Variants in PRR5 observed in about 807,000 individuals in gnomAD.
PRR5 encodes the protein proline-rich protein 5.
A neutral mutation model predicts 30.6 loss-of-function variants in PRR5; 25 were observed. The ratio of observed to expected loss-of-function variants is 0.82; its 90% CI spans 0.60 to 1.14. PRR5 has a LOEUF of 1.14. Ranked by LOEUF, PRR5 falls within the 50% of genes most tolerant of loss-of-function variation. The pLI is 0.00. For missense variants in PRR5, 600 were observed against 547.1 expected, an observed-to-expected ratio of 1.10 and a Z score of -0.96; for synonymous variants, 286 against 247.1, an observed-to-expected ratio of 1.16 and a Z score of -1.48.
chr22:44,678,377 C>T (rs979849431), intron 1 of PRR5, among the ~76,000 whole-genome samples: 2 of 143,180 alleles, frequency 1.4e-5, no homozygotes, highest in South Asian at 2.2e-4. Context: ...GGCTGGAGTG[C>T]GATGGCGCAA....
chr22:44,718,982 A>G (rs1929524001), intron 2 of PRR5, among the ~76,000 whole-genome samples: 1 of 152,162 alleles, frequency 6.6e-6, no homozygotes, highest in Non-Finnish European at 1.5e-5. Flanking sequence ...TGAAGCACAA[A>G]AAGTTTTTAT....
At chr22:44,723,444 G>A (rs1930235919) in intron 2 of PRR5, among the ~76,000 whole-genome samples, 1 of 152,200 alleles carries the variant, frequency 6.6e-6, no homozygotes, top group South Asian at 2.1e-4. Flanking sequence ...TTGGGGCCAG[G>A]TGCAGTGGCT....
chr22:44,682,043 C>T (rs1052450349), intron 1 of PRR5, among the ~76,000 whole-genome samples: 2 of 152,206 alleles, frequency 1.3e-5, no homozygotes, highest in Non-Finnish European at 2.9e-5. Context: ...TCCACGCGGC[C>T]ATGGACCTGC....
At chr22:44,683,388 G>A (rs1159377303) in intron 1 of PRR5, among the ~76,000 whole-genome samples, 1 of 152,238 alleles carries the variant, frequency 6.6e-6, no homozygotes, top group East Asian at 1.9e-4. Context: ...AGCTCCTGAG[G>A]AAGAGGCTTC....
intron 4 of PRR5, chr22:44,730,294 C>T (rs1394764930): frequency 1.0e-6 from 1 of 985,130 alleles, no homozygotes; most frequent in African/African-American, 1.7e-5. Flanking sequence ...CTTCCCTCTT[C>T]ACTCAGAGGC....
At chr22:44,736,703 G>C (rs1923323511) in intron 7 of PRR5, 69 bp from the exon 8 acceptor site, 3 of 1,506,964 alleles carry the variant, frequency 2.0e-6, no homozygotes, top group East Asian at 4.6e-5. Flanking sequence ...TGTGCAGTGA[G>C]CAGCAGGTGC....
At chr22:44,714,014 A>G (rs537211403) in intron 1 of PRR5, among the ~76,000 whole-genome samples, 7 of 152,102 alleles carry the variant, frequency 4.6e-5, no homozygotes, top group Non-Finnish European at 1.0e-4. Context: ...CATGTTCGCC[A>G]GGATGATCTC....
chr22:44,707,070 A>G (rs1201705871), intron 1 of PRR5, among the ~76,000 whole-genome samples: 1 of 152,114 alleles, frequency 6.6e-6, no homozygotes, highest in Admixed American at 6.5e-5. Flanking sequence ...CTGACCTGCC[A>G]TACCCCTGGC....
upstream of PRR5, among the ~76,000 whole-genome samples, chr22:44,701,892 G>A (rs1395357808): frequency 6.6e-6 from 1 of 152,006 alleles, no homozygotes. Context: ...CGGGGTCGAA[G>A]GACATCGTGT....
chr22:44,705,354 T>C (rs1927019594), intron 1 of PRR5, among the ~76,000 whole-genome samples: 1 of 152,138 alleles, frequency 6.6e-6, no homozygotes. Flanking sequence ...GAGACGGAGT[T>C]TCACTCTTGT....
At chr22:44,678,512 A>G (rs917260536) in intron 1 of PRR5, among the ~76,000 whole-genome samples, 4 of 151,270 alleles carry the variant, frequency 2.6e-5, no homozygotes, top group African/African-American at 9.7e-5. Flanking sequence ...ATGGAGTTTC[A>G]CCATGTTGGC....
upstream of PRR5, among the ~76,000 whole-genome samples, chr22:44,700,161 T>A (rs1009148453): frequency 2.0e-5 from 3 of 152,060 alleles, no homozygotes; most frequent in African/African-American, 7.2e-5. Context: ...TATTACAAAA[T>A]TTTTTAAAAA....
chr22:44,734,984 C>T (rs748445579), intron 6 of PRR5, 43 bp from the exon 7 acceptor site: 2 of 1,586,596 alleles, frequency 1.3e-6, no homozygotes, highest in Non-Finnish European at 8.6e-7. Flanking sequence ...AGCCACCAAG[C>T]TCGGGTGCAT....
intron 1 of PRR5, among the ~76,000 whole-genome samples, chr22:44,707,635 G>A (rs1358281413): frequency 6.6e-6 from 1 of 152,222 alleles, no homozygotes; most frequent in Non-Finnish European, 1.5e-5. Flanking sequence ...TGCCATGAGG[G>A]CACGTGGGGG....
intron 1 of PRR5, among the ~76,000 whole-genome samples, chr22:44,683,517 G>A (rs574421251): frequency 6.6e-6 from 1 of 152,356 alleles, no homozygotes; most frequent in South Asian, 2.1e-4. Flanking sequence ...GCCCCCTTGG[G>A]GCCAGGGCCA....
At chr22:44,669,135 A>G (rs1023217940) in intron 1 of PRR5, among the ~76,000 whole-genome samples, 4 of 112,586 alleles carry the variant, frequency 3.6e-5, no homozygotes, top group African/African-American at 1.4e-4. Context: ...CCTTCCCTCT[A>G]TCTCTGAGTT....
chr22:44,709,787 G>T (rs751792800), intron 1 of PRR5, among the ~76,000 whole-genome samples: 17 of 152,192 alleles, frequency 1.1e-4, no homozygotes, highest in Non-Finnish European at 1.9e-4. Flanking sequence ...AGGAGGCAGA[G>T]GTTGCAGTGA....
intron 6 of PRR5, chr22:44,734,209 T>C (rs1602102188): frequency 6.6e-6 from 1 of 151,934 alleles, no homozygotes; most frequent in South Asian, 2.1e-4. Flanking sequence ...GAGGCGGAGG[T>C]TGCAGTGAGC....
At chr22:44,736,664 C>T in intron 7 of PRR5, 108 bp from the exon 8 acceptor site, 1 of 1,465,660 alleles carries the variant, frequency 6.8e-7, no homozygotes, top group Non-Finnish European at 9.0e-7. Context: ...TCGGGCCTTC[C>T]CTGCAGCTGC....
Sources: allele counts gnomAD v4.1 joint callset (sites outside exome capture counted in the v4.1 genomes callset), GRCh38; gene constraint gnomAD v4.1.1; transcripts MANE v1.5; gene names NCBI Gene and HGNC (gene_info 2026-07-23, HGNC 2026-07-21).